TEAD3: variants seen among roughly 807,000 people sequenced by gnomAD.
The protein encoded by TEAD3 is transcriptional enhancer factor TEF-5.
Under a neutral mutation model 55.6 loss-of-function variants are expected in TEAD3, and 15 were observed. The ratio of observed to expected loss-of-function variants is 0.27; its 90% confidence interval spans 0.18 to 0.42. TEAD3 has a LOEUF of 0.42. Ranked by LOEUF, TEAD3 falls within the 10% of genes least tolerant of loss-of-function variation. The probability of loss-of-function intolerance (pLI) is 1.00; values close to 1 mark genes in which losing one functional copy is unlikely to be tolerated. For missense variants in TEAD3, 407 were observed against 576.8 expected, an observed-to-expected ratio of 0.71 and a Z score of 3.01; for synonymous variants, 210 against 232.2, an observed-to-expected ratio of 0.90 and a Z score of 0.87.
intron 1 of TEAD3, among the ~76,000 whole-genome samples, chr6:35,487,475 C>T (rs1203908993): frequency 6.7e-6 from 1 of 148,380 alleles, no homozygotes; most frequent in Admixed American, 6.8e-5. Flanking sequence ...TCGCTTCAAC[C>T]CAGGAGGCAG....
At chr6:35,482,750 T>C (rs1452447564) in intron 3 of TEAD3, among the ~76,000 whole-genome samples, 4 of 152,054 alleles carry the variant, frequency 2.6e-5, no homozygotes, top group Admixed American at 2.6e-4. Context: ...CATTTTTATA[T>C]TAATTATAAA....
chr6:35,489,556 C>T (rs905433186), intron 1 of TEAD3, among the ~76,000 whole-genome samples: 3 of 152,164 alleles, frequency 2.0e-5, no homozygotes, highest in Non-Finnish European at 4.4e-5. Context: ...CCAGAGCCAC[C>T]AGGAATCTCT....
In TEAD3 at chr6:35,486,706, C is replaced by T; in HGVS notation, c.-44G>A. 6.3e-7 allele frequency: 1 copy of T among 1,594,980 alleles called. No homozygotes were observed. Among genetic ancestry groups the T allele is most frequent in the Non-Finnish European group, 8.6e-7 (1 of 1,169,552 alleles). On this transcript the variant is annotated 5_prime_UTR_variant, in exon 2 of 13. Coordinates refer to ENST00000639578, the Ensembl canonical transcript of TEAD3. This position sits in a 1 kb window ranked among gnomAD's most constrained non-coding sequence, Gnocchi z 7.3. ...CTCTGGGCCTGAGCCCACTGGGCGG[C>T]TGAGCCTGGGGGACAGACAGACAGG...
intron 1 of TEAD3, among the ~76,000 whole-genome samples, chr6:35,489,522 C>T (rs1047084593): frequency 1.4e-4 from 22 of 152,138 alleles, no homozygotes; most frequent in Non-Finnish European, 4.4e-5. Context: ...CCCGCACTGC[C>T]GTACAGCCCT....
At chr6:35,474,803 G>C (rs1054770854), downstream of TEAD3, 3 of 493,912 alleles carry the variant, frequency 6.1e-6, no homozygotes, top group Admixed American at 1.1e-4. Context: ...GGTGATGGTG[G>C]GTCAGCGCCC....
At chr6:35,497,025 G>A (rs1768687820) in exon 1 of TEAD3, 1 of 151,862 alleles carries the variant, frequency 6.6e-6, no homozygotes, top group Non-Finnish European at 1.5e-5. Flanking sequence ...AGCCGGGCTG[G>A]AGCGGGAGGC....
Position 35,475,465 on chromosome 6 carries a change from G to C in TEAD3, c.1065C>G (p.Asn355Lys), listed in dbSNP as rs995749355. The change falls in exon 12 of 13, where the codon AAC becomes AAG. Residue 355 changes from asparagine (N) to lysine (K), a missense_variant. Coordinates refer to ENST00000639578, the Ensembl canonical transcript of TEAD3. This position sits in a 1 kb window ranked among gnomAD's most constrained non-coding sequence, Gnocchi z 5.4. ...GGTGGATACGGTACACAAAGCGCCC[G>C]TTCTCCAGCCTGGCATACTCAGTCT... 1.9e-6 allele frequency: 3 copies of C among 1,613,190 alleles called. No individual in the cohort carries two copies. The East Asian group carries it at 6.7e-5, about 36-fold the overall frequency.
rs1054296044 is a variant in TEAD3 at position 35,491,758 on chromosome 6, G to A, written c.-49-5047C>T. On this transcript the variant is annotated intron_variant, in intron 1 of 12. Coordinates refer to ENST00000639578, the Ensembl canonical transcript of TEAD3. The surrounding 1 kb of genome is among the most constrained non-coding windows in gnomAD (Gnocchi z 4.4). ...CAGAAGGCCTCTGGGTGGAGGCAGG[G>A]ATGGGGGCTAGGAGGCTGGGTGAGC... is the stretch of plus-strand genomic sequence containing the variant. Among the ~76,000 whole-genome samples, 5 of 152,252 alleles carry A rather than the reference G, an allele frequency of 3.3e-5. No homozygotes were observed. Among genetic ancestry groups the A allele is most frequent in the Admixed American group, 2.0e-4 (3 of 15,294 alleles).
chr6:35,473,686 A>C (rs1768081330), downstream of TEAD3: 1 of 147,348 alleles, frequency 6.8e-6, no homozygotes, highest in Non-Finnish European at 1.5e-5. Flanking sequence ...CCCTGCTCCA[A>C]CCCCAAGCTG....
In TEAD3 at chr6:35,491,898, C is replaced by T. The variant is rs1255276654; in HGVS notation, c.-50+5000G>A. 6.6e-6 allele frequency among the ~76,000 whole-genome samples: 1 copy of T among 152,194 alleles called. No individual in the cohort carries two copies. ...TCCAGGGATCAGGCTGGAGCTGGGGCCGCTGCAGAGGCCCTGGTCCCCCAC... is the reference window on the plus strand; with the variant it reads ...TCCAGGGATCAGGCTGGAGCTGGGGTCGCTGCAGAGGCCCTGGTCCCCCAC... On this transcript the variant is annotated intron_variant, in intron 1 of 12. Coordinates refer to ENST00000639578, the Ensembl canonical transcript of TEAD3. The surrounding 1 kb of genome is among the most constrained non-coding windows in gnomAD (Gnocchi z 4.4).
chr6:35,494,877 C>T (rs1255305999), intron 1 of TEAD3, among the ~76,000 whole-genome samples: 1 of 149,670 alleles, frequency 6.7e-6, no homozygotes, highest in African/African-American at 2.4e-5. Context: ...ACCTGCCCCC[C>T]GCCACCTTTT....
rs771479100 is a variant in TEAD3, at chr6:35,475,375, G to A, written c.1155C>T (p.Tyr385=). Residue 385 remains tyrosine, a synonymous_variant, in exon 12 of 13, where the codon TAC becomes TAT. Coordinates refer to ENST00000639578, the Ensembl canonical transcript of TEAD3. The surrounding 1 kb of genome is among the most constrained non-coding windows in gnomAD (Gnocchi z 5.4). Reference sequence around the variant, plus strand: ...AGTTCTCCAGCACGCTGTTCATCATGTACTTCTCGGGCAGGTGCTTCAGCT... The same window carrying A: ...AGTTCTCCAGCACGCTGTTCATCATATACTTCTCGGGCAGGTGCTTCAGCT... 1.2e-6 allele frequency: 2 copies of A among 1,614,104 alleles called. No homozygotes were observed.
rs778472538 is a variant in TEAD3, at chr6:35,475,692, G to C, written c.915C>G (p.Ser305Arg). The C allele has an allele frequency of 4.4e-6, 7 of 1,603,126 alleles. No homozygotes were observed. The African/African-American group carries it at 8.0e-5, about 18-fold the overall frequency. ...AGGCTCCCGGGCCCTCCTGGATGGTGCTGTTGAGGTCGGCCTGGGCATGGG... is the reference window on the plus strand; with the variant it reads ...AGGCTCCCGGGCCCTCCTGGATGGTCCTGTTGAGGTCGGCCTGGGCATGGG... The change falls in exon 11 of 13, where the codon AGC becomes AGG. Residue 305 changes from serine (S) to arginine (R), a missense_variant. Physicochemically the swap from Ser to Arg is moderately radical, Grantham distance 110 (BLOSUM62 -1). Transcript: ENST00000639578. The surrounding 1 kb of genome is among the most constrained non-coding windows in gnomAD (Gnocchi z 5.4).
Position 35,486,360 on chromosome 6 carries a change from GGCCAGCGGC to G in TEAD3, c.202+92_202+100del. On this transcript the variant is annotated intron_variant, in intron 2 of 12. Coordinates refer to ENST00000639578, the Ensembl canonical transcript of TEAD3. This position sits in a 1 kb window ranked among gnomAD's most constrained non-coding sequence, Gnocchi z 7.3. ...CAGGCTTGCGCGCCCAGACTCGCCCGGCCAGCGGCTGGCGGCCTCCGACGTCACCAAACC... is the reference window on the plus strand; with the variant it reads ...CAGGCTTGCGCGCCCAGACTCGCCCGTGGCGGCCTCCGACGTCACCAAACC... 1 of 1,388,604 alleles carries G rather than the reference GGCCAGCGGC, an allele frequency of 7.2e-7. No individual in the cohort carries two copies. Among genetic ancestry groups the G allele is most frequent in the Non-Finnish European group, 9.7e-7 (1 of 1,029,054 alleles). The allele number at this position is 1,388,604 out of a possible 1,614,324, so 86.0% of individuals were successfully genotyped here.
chr6:35,480,396 G>A (rs372059629), intron 3 of TEAD3, 22 bp from the exon 4 acceptor site: 51 of 1,612,768 alleles, frequency 3.2e-5, no homozygotes, highest in African/African-American at 6.7e-5. Flanking sequence ...CCCGCGCCCC[G>A]CCAGAGAGGA....
rs1174375307 is a variant in TEAD3, at chr6:35,488,008, A to G, written c.-49-1297T>C. Among the ~76,000 whole-genome samples the G allele has an allele frequency of 6.6e-6, 1 of 152,092 alleles. No homozygotes were observed. Among genetic ancestry groups the G allele is most frequent in the Non-Finnish European group, 1.5e-5 (1 of 68,006 alleles). On this transcript the variant is annotated intron_variant, in intron 1 of 12. Transcript: ENST00000639578. The surrounding 1 kb of genome is among the most constrained non-coding windows in gnomAD (Gnocchi z 4.2). ...CAGCATCAGTGCAACCCTGCTAAGG[A>G]CCCCTCAGGGGACAAGGAGAGTCCC...
chr6:35,494,757 A>T (rs1034779466), intron 1 of TEAD3, among the ~76,000 whole-genome samples: 1 of 151,996 alleles, frequency 6.6e-6, no homozygotes, highest in Non-Finnish European at 1.5e-5. Context: ...CAGAGGGTAG[A>T]GCCACCCAAG....
chr6:35,488,159 A>G lies in TEAD3; in HGVS notation c.-49-1448T>C, dbSNP rs1768427155. 6.6e-6 allele frequency among the ~76,000 whole-genome samples: 1 copy of G among 152,204 alleles called. No homozygotes were observed. The highest frequency in any genetic ancestry group is 2.4e-5 in the African/African-American group (1 of 41,454). On this transcript the variant is annotated intron_variant, in intron 1 of 12. Transcript: ENST00000639578. The surrounding 1 kb of genome is among the most constrained non-coding windows in gnomAD (Gnocchi z 4.2). ...AAAAGGGAACTGGTGAGGGAGCAGC[A>G]GAGAAGGTGCTTGGCCAACAGCCTG...
chr6:35,482,045 C>T (rs1278400739), intron 3 of TEAD3, among the ~76,000 whole-genome samples: 1 of 152,148 alleles, frequency 6.6e-6, no homozygotes, highest in Non-Finnish European at 1.5e-5. Flanking sequence ...AGTGCAGTGG[C>T]GTGATCTCGG....
Sources: allele counts gnomAD v4.1 joint callset (sites outside exome capture counted in the v4.1 genomes callset), GRCh38; gene constraint gnomAD v4.1.1; non-coding constraint Gnocchi (gnomAD v3.1); transcripts MANE v1.5; gene names NCBI Gene and HGNC (gene_info 2026-07-23, HGNC 2026-07-21).